The following INPP5D variants were observed in gnomAD, a reference collection of about 807,000 sequenced individuals.
INPP5D encodes inositol polyphosphate-5-phosphatase D, also known as phosphatidylinositol 3,4,5-trisphosphate 5-phosphatase 1.
INPP5D carries 33 observed loss-of-function variants against 122.9 expected under a neutral mutation model. The ratio of observed to expected loss-of-function variants is 0.27; its 90% CI spans 0.20 to 0.36. The LOEUF (loss-of-function observed/expected upper bound fraction) is 0.36, where lower values mean the gene tolerates loss of function less well. INPP5D is among the 10% of genes least tolerant of loss of function. INPP5D has a pLI of 1.00. For missense variants in INPP5D, 1,053 were observed against 1,412.7 expected, an observed-to-expected ratio of 0.75 and a Z score of 4.08; for synonymous variants, 584 against 576.2, an observed-to-expected ratio of 1.01 and a Z score of -0.19.
intron 2 of INPP5D, 100 bp from the exon 3 acceptor site, chr2:233,122,007 A>G: frequency 7.2e-7 from 1 of 1,380,466 alleles, no homozygotes; most frequent in African/African-American, 1.4e-5. Flanking sequence ...GATCGCAGTC[A>G]CTCCCTCCGC....
At chr2:233,186,283 G>A (rs528346026) in intron 21 of INPP5D, among the ~76,000 whole-genome samples, 2 of 152,116 alleles carry the variant, frequency 1.3e-5, no homozygotes, top group Admixed American at 6.5e-5. Flanking sequence ...CACCTAGGAC[G>A]CAACCCCAAG....
Position 233,170,291 on chromosome 2 carries a change from G to C in INPP5D, c.1791+127G>C. The C allele has an allele frequency of 6.7e-7, 1 of 1,501,850 alleles. No homozygotes were observed. The highest frequency in any genetic ancestry group is 1.3e-5 in the South Asian group (1 of 76,522). The allele number at this position is 1,501,850 out of a possible 1,614,324, so 93.0% of individuals were successfully genotyped here. On this transcript the variant is annotated intron_variant, in intron 15 of 26. Coordinates refer to ENST00000445964, the MANE Select transcript of INPP5D (RefSeq NM_001017915.3). This position sits in a 1 kb window ranked among gnomAD's most constrained non-coding sequence, Gnocchi z 4.5. ...GGCTGAGGCGGCTGCTCCCCTTGGG[G>C]GCTCAACGCTGTTTCCATTACTGAG...
chr2:233,134,152 G>A (rs536473629), intron 5 of INPP5D: 1 of 393,312 alleles, frequency 2.5e-6, no homozygotes, highest in African/African-American at 2.1e-5. Context: ...GGAAAGTCAA[G>A]GAGGAGGAGG....
At chr2:233,131,534 TAA>T (rs754526793) in intron 5 of INPP5D, among the ~76,000 whole-genome samples, 8 of 134,288 alleles carry the variant, frequency 6.0e-5, no homozygotes, top group East Asian at 2.1e-4. Context: ...CTGTCTCTAC[TAA>T]AAAAAAAAAA....
At position 233,125,894 on chromosome 2, in the gene INPP5D, C is replaced by G; in HGVS notation, c.499C>G (p.Arg167Gly). ...RPSLSETLFQRLQSMDTSGLP... is the reference protein window; with the variant it reads ...RPSLSETLFQGLQSMDTSGLP... ...GAGCCTCTCCGAGACATTGTTCCAG[C>G]GACTGCAAAGCATGGACACCAGTGG... Residue 167 changes from arginine to glycine, a missense_variant, in exon 4 of 27, where the codon CGA (arginine) becomes GGA (glycine). Coordinates refer to ENST00000445964, the MANE Select transcript of INPP5D (RefSeq NM_001017915.3). The G allele has an allele frequency of 6.2e-7, 1 of 1,613,664 alleles. No individual in the cohort carries two copies. The highest frequency in any genetic ancestry group is 1.1e-5 in the South Asian group (1 of 91,050).
At chr2:233,093,124 C>A (rs1473208530) in intron 2 of INPP5D, among the ~76,000 whole-genome samples, 1 of 152,226 alleles carries the variant, frequency 6.6e-6, no homozygotes, top group East Asian at 1.9e-4. Context: ...TGATGGGCCA[C>A]TGCATTCCTC....
At chr2:233,145,341 G>T (rs1022973005) in intron 6 of INPP5D, 10 of 455,978 alleles carry the variant, frequency 2.2e-5, no homozygotes, top group Non-Finnish European at 4.0e-5. Context: ...GAGCATCTTC[G>T]TTGGCCAGAC....
At chr2:233,137,137 C>T (rs1314430633) in intron 5 of INPP5D, among the ~76,000 whole-genome samples, 2 of 152,084 alleles carry the variant, frequency 1.3e-5, no homozygotes, top group Non-Finnish European at 2.9e-5. Flanking sequence ...AACTCTCTAT[C>T]TCTGATTTCA....
intron 1 of INPP5D, among the ~76,000 whole-genome samples, chr2:233,076,092 T>C (rs1295175799): frequency 1.3e-5 from 2 of 152,200 alleles, no homozygotes; most frequent in African/African-American, 4.8e-5. Context: ...CGTGATTATG[T>C]TCTTTCTCTC....
Position 233,137,853 on chromosome 2 carries a change from A to T in INPP5D, c.666-1989A>T, listed in dbSNP as rs868602819. Among the ~76,000 whole-genome samples the T allele has an allele frequency of 2.6e-3, 71 of 27,712 alleles. 4 individuals carry two copies. The highest frequency in any genetic ancestry group is 5.7e-3 in the African/African-American group (46 of 8,044). 18.2% of individuals were successfully genotyped at this position (27,712 alleles called of 152,430 possible). ...ATCACAAAAAAAAAAAAAAAAAAAA[A>T]ATATATATATATATATATATATATA... On this transcript the variant is annotated intron_variant, in intron 5 of 26. Transcript: ENST00000445964.
chr2:233,148,087 G>T (rs1191410049), intron 9 of INPP5D, among the ~76,000 whole-genome samples: 1 of 152,224 alleles, frequency 6.6e-6, no homozygotes, highest in Non-Finnish European at 1.5e-5. Context: ...GTTATTAGTA[G>T]ATTCTGAGAA....
intron 1 of INPP5D, 126 bp downstream of exon 1, chr2:233,060,738 C>A: frequency 7.7e-7 from 1 of 1,292,678 alleles, no homozygotes; most frequent in Non-Finnish European, 1.1e-6. Flanking sequence ...TTCCCCGCCA[C>A]CCTGTCATGG....
At chr2:233,175,217 C>CAAAAAAAAAAAAAAAAAAAAAAAAAA (rs1220185296) in intron 17 of INPP5D, among the ~76,000 whole-genome samples, 1 of 68,616 alleles carries the variant, frequency 1.5e-5, no homozygotes, top group Non-Finnish European at 2.5e-5. Flanking sequence ...GACTCCATCT[C>CAAAAAAAAAAAAAAAAAAAAAAAAAA]AAAAAAAAAA....
intron 5 of INPP5D, among the ~76,000 whole-genome samples, chr2:233,136,415 GTTGCAGTGAGCCGAGATGGTGC>G (rs1223724292): frequency 6.6e-6 from 1 of 152,020 alleles, no homozygotes; most frequent in African/African-American, 2.4e-5. Context: ...GGAGACGGAG[GTTGCAGTGAGCCGAGATGGTGC>G]CACTGTGCTC....
At chr2:233,141,150 C>G (rs975841025) in intron 6 of INPP5D, 1 of 151,964 alleles carries the variant, frequency 6.6e-6, no homozygotes, top group East Asian at 1.9e-4. Context: ...GTTTTCTGAA[C>G]GGCAGTTTGG....
intron 25 of INPP5D, among the ~76,000 whole-genome samples, chr2:233,202,933 C>CA (rs1459450066): frequency 6.6e-6 from 1 of 152,246 alleles, no homozygotes; most frequent in Non-Finnish European, 1.5e-5. Flanking sequence ...CCAGTACTCG[C>CA]AAGTGTCCAA....
intron 8 of INPP5D, 26 bp from the exon 9 acceptor site, chr2:233,147,445 C>G (rs149513640): frequency 0.085 from 59,695 of 702,858 alleles, 4,213 homozygotes; most frequent in East Asian, 0.31. Flanking sequence ...GAAAATCAAT[C>G]AGTGACACAT....
At chr2:233,168,018 A>AG (rs1694392393) in intron 13 of INPP5D, among the ~76,000 whole-genome samples, 1 of 117,562 alleles carries the variant, frequency 8.5e-6, no homozygotes, top group African/African-American at 2.7e-5. Flanking sequence ...AAAAAAAAAA[A>AG]AAAAAAAGAA....
Position 233,170,971 on chromosome 2 carries a change from C to G in INPP5D, c.1901-93C>G. ...GCCTTTCCAGCCATCCTTTCGTCCCCTTTCCCCTGATTTCCTACCAGAAGA... is the reference window on the plus strand; with the variant it reads ...GCCTTTCCAGCCATCCTTTCGTCCCGTTTCCCCTGATTTCCTACCAGAAGA... On this transcript the variant is annotated intron_variant, in intron 16 of 26. Coordinates refer to ENST00000445964, the MANE Select transcript of INPP5D (RefSeq NM_001017915.3). The surrounding 1 kb of genome is among the most constrained non-coding windows in gnomAD (Gnocchi z 4.5). The G allele has an allele frequency of 2.0e-6, 3 of 1,526,158 alleles. No homozygotes were observed. The highest frequency in any genetic ancestry group is 4.9e-5 in the East Asian group (2 of 41,172). The allele number at this position is 1,526,158 out of a possible 1,614,324, so 94.5% of individuals were successfully genotyped here.
Sources: gnomAD v4.1 joint callset for allele counts (sites outside exome capture counted in the v4.1 genomes callset) on GRCh38, gnomAD v4.1.1 for gene constraint, Gnocchi (gnomAD v3.1) non-coding constraint, MANE v1.5 for transcripts, NCBI Gene and HGNC (gene_info 2026-07-23, HGNC 2026-07-21) for gene names.